Variants in SPOCK1 observed in about 807,000 individuals in gnomAD.
The protein encoded by SPOCK1 is testican-1.
SPOCK1 carries 23 observed loss-of-function variants against 55.3 expected under a neutral mutation model. That is an observed-to-expected ratio of 0.42 (90% CI 0.30 to 0.59). SPOCK1 has a LOEUF of 0.59. SPOCK1 is among the 20% of genes least tolerant of loss of function. The pLI, the probability that SPOCK1 is intolerant of heterozygous loss-of-function variation, is 0.22. For missense variants in SPOCK1, 499 were observed against 552.5 expected (o/e 0.90, Z 0.97); for synonymous variants, 226 against 221.0 (o/e 1.02, Z -0.20).
At chr5:137,069,741 G>A (rs532701643) in intron 5 of SPOCK1, among the ~76,000 whole-genome samples, 1 of 152,322 alleles carries the variant, frequency 6.6e-6, no homozygotes, top group South Asian at 2.1e-4. Flanking sequence ...TAGTTCTCTG[G>A]AACAATCCTC....
rs11745884 is a variant in SPOCK1 at position 137,248,104 on chromosome 5, G to T, written c.232+18906C>A. 3.5e-4 allele frequency among the ~76,000 whole-genome samples: 53 copies of T among 152,188 alleles called. 1 individual carries two copies. The highest frequency in any genetic ancestry group is 6.2e-4 in the Non-Finnish European group (42 of 68,004). On this transcript the variant is annotated intron_variant, in intron 3 of 10. Coordinates refer to ENST00000394945, the MANE Select transcript of SPOCK1 (RefSeq NM_004598.4). ...CCTATTTCCCTACACATAACTTAGA[G>T]GTGAAGGATTAGCTACCAACAAACT... is the stretch of plus-strand genomic sequence containing the variant.
intron 3 of SPOCK1, among the ~76,000 whole-genome samples, chr5:137,204,818 C>G (rs1337393295): frequency 2.0e-5 from 3 of 152,134 alleles, no homozygotes; most frequent in African/African-American, 7.2e-5. Context: ...ATCTCATATC[C>G]CGCTCTTTTC....
intron 2 of SPOCK1, among the ~76,000 whole-genome samples, chr5:137,463,485 T>C (rs867376608): frequency 1.6e-5 from 2 of 124,774 alleles, no homozygotes; most frequent in South Asian, 2.4e-4. Flanking sequence ...CTAATGGAGA[T>C]AGAGAGTCGA....
intron 2 of SPOCK1, among the ~76,000 whole-genome samples, chr5:137,393,033 C>A (rs1751759440): frequency 6.6e-6 from 1 of 152,164 alleles, no homozygotes; most frequent in East Asian, 1.9e-4. Context: ...CCAGTGCTTT[C>A]TCCACATCTT....
intron 2 of SPOCK1, among the ~76,000 whole-genome samples, chr5:137,299,168 A>C (rs1757541642): frequency 6.6e-6 from 1 of 152,232 alleles, no homozygotes; most frequent in East Asian, 1.9e-4. Flanking sequence ...TGATGATCAC[A>C]ATATGTATCC....
chr5:137,032,489 T>C (rs1407913455), intron 6 of SPOCK1, among the ~76,000 whole-genome samples: 1 of 151,996 alleles, frequency 6.6e-6, no homozygotes, highest in Non-Finnish European at 1.5e-5. Flanking sequence ...GCAAGAAAGC[T>C]TGTGAGCAGG....
chr5:137,131,989 A>ATATAT (rs1554099249), intron 4 of SPOCK1, among the ~76,000 whole-genome samples: 18 of 36,052 alleles, frequency 5.0e-4, no homozygotes, highest in Non-Finnish European at 6.8e-4. Flanking sequence ...AAAAAAAAAA[A>ATATAT]ATATATATAT....
At chr5:137,452,670 A>G (rs71589363) in intron 2 of SPOCK1, among the ~76,000 whole-genome samples, 1,826 of 152,330 alleles carry the variant, frequency 0.012, 22 homozygotes, top group Middle Eastern at 0.034. Flanking sequence ...ATCCCAAAGC[A>G]TAGTTATGAC....
intron 6 of SPOCK1, among the ~76,000 whole-genome samples, chr5:137,021,834 A>T (rs146581063): frequency 1.3e-3 from 205 of 152,260 alleles, no homozygotes; most frequent in African/African-American, 4.6e-3. Flanking sequence ...TTTTTTTAAT[A>T]CCCATATGTT....
At chr5:137,278,266 C>G (rs1279612616) in intron 2 of SPOCK1, among the ~76,000 whole-genome samples, 1 of 152,208 alleles carries the variant, frequency 6.6e-6, no homozygotes, top group East Asian at 1.9e-4. Flanking sequence ...AGCAGACGCT[C>G]CTCACCAAAG....
rs528751972 is a variant in SPOCK1, at chr5:137,044,738, G to A, written c.589+22977C>T. Among the ~76,000 whole-genome samples, 316 of 149,962 alleles carry A rather than the reference G, an allele frequency of 2.1e-3. 2 individuals carry two copies. Among genetic ancestry groups the A allele is most frequent in the African/African-American group, 6.0e-3 (245 of 40,678 alleles). Reference sequence around the variant, plus strand: ...TACATGTGCCATGCTGGTGCGCTGCGCCCACTAACTCGTCATCTAGCATTA... The same window carrying A: ...TACATGTGCCATGCTGGTGCGCTGCACCCACTAACTCGTCATCTAGCATTA... On this transcript the variant is annotated intron_variant, in intron 6 of 10. Coordinates refer to ENST00000394945, the MANE Select transcript of SPOCK1 (RefSeq NM_004598.4).
At chr5:137,308,785 C>G (rs2127141165) in intron 2 of SPOCK1, among the ~76,000 whole-genome samples, 1 of 152,310 alleles carries the variant, frequency 6.6e-6, no homozygotes. Context: ...AATTTTTATA[C>G]AACCATCCTA....
At chr5:137,392,779 A>C (rs1032904218) in intron 2 of SPOCK1, among the ~76,000 whole-genome samples, 17 of 152,002 alleles carry the variant, frequency 1.1e-4, no homozygotes, top group African/African-American at 4.1e-4. Flanking sequence ...CTTCCTTTCC[A>C]TTTCCTTCTA....
intron 2 of SPOCK1, among the ~76,000 whole-genome samples, chr5:137,336,797 G>A (rs1750290647): frequency 6.6e-6 from 1 of 152,164 alleles, no homozygotes; most frequent in African/African-American, 2.4e-5. Context: ...ACTTCCCTGG[G>A]CTCTCTGCCT....
chr5:137,447,065 T>C (rs183226530), intron 2 of SPOCK1, among the ~76,000 whole-genome samples: 6 of 152,232 alleles, frequency 3.9e-5, no homozygotes, highest in Admixed American at 2.0e-4. Context: ...CAGTGCACTC[T>C]TGGATTGTTT....
chr5:137,234,278 G>GCT (rs1392473736), intron 3 of SPOCK1, among the ~76,000 whole-genome samples: 1 of 152,118 alleles, frequency 6.6e-6, no homozygotes, highest in African/African-American at 2.4e-5. Context: ...CTCTTACCCT[G>GCT]GGGCTGGGTT....
rs376524727 is a variant in SPOCK1, at chr5:137,077,380, G to C, written c.475-9551C>G. 5.3e-5 allele frequency among the ~76,000 whole-genome samples: 8 copies of C among 152,226 alleles called. No homozygotes were observed. The East Asian group carries it at 9.6e-4, about 18-fold the overall frequency. On this transcript the variant is annotated intron_variant, in intron 5 of 10. Transcript: ENST00000394945. ...GAGACAGAAATTATGCCAGAGCTCG[G>C]GAAAGGGAGAGAGAACAGGAGGTGC... is the stretch of plus-strand genomic sequence containing the variant.
At chr5:137,137,776 G>A (rs1003576425) in intron 4 of SPOCK1, among the ~76,000 whole-genome samples, 1 of 152,236 alleles carries the variant, frequency 6.6e-6, no homozygotes, top group African/African-American at 2.4e-5. Context: ...ACTGGGTAGG[G>A]ACCAAGGCAC....
intron 3 of SPOCK1, among the ~76,000 whole-genome samples, chr5:137,200,477 G>A (rs929854864): frequency 6.6e-5 from 10 of 152,128 alleles, no homozygotes; most frequent in Non-Finnish European, 1.3e-4. Flanking sequence ...TAGCCTGATT[G>A]CTGGCTGTCT....
Sources: allele counts gnomAD v4.1 joint callset (sites outside exome capture counted in the v4.1 genomes callset), GRCh38; gene constraint gnomAD v4.1.1; transcripts MANE v1.5; gene names NCBI Gene and HGNC (gene_info 2026-07-23, HGNC 2026-07-21).